CRACD: variants seen among roughly 807,000 people sequenced by gnomAD.
CRACD encodes capping protein-inhibiting regulator of actin dynamics.
In CRACD, 56 loss-of-function variants were observed where a neutral mutation model predicts 106.8. The ratio of observed to expected loss-of-function variants is 0.52; its 90% CI spans 0.42 to 0.66. CRACD has a LOEUF of 0.66. Ranked by LOEUF, CRACD falls within the 30% of genes least tolerant of loss-of-function variation. The pLI is 0.00. For missense variants in CRACD, 1,730 were observed against 1,623.2 expected, an observed-to-expected ratio of 1.07 and a Z score of -1.13; for synonymous variants, 754 against 670.8, an observed-to-expected ratio of 1.12 and a Z score of -1.92.
chr4:56,077,861 T>G (rs1732895988), intron 1 of CRACD, among the ~76,000 whole-genome samples: 1 of 152,208 alleles, frequency 6.6e-6, no homozygotes. Context: ...AACAGACTGC[T>G]GTGAGACCTT....
At chr4:56,216,746 CG>C (rs1738703607) in intron 2 of CRACD, among the ~76,000 whole-genome samples, 1 of 151,072 alleles carries the variant, frequency 6.6e-6, no homozygotes, top group Non-Finnish European at 1.5e-5. Flanking sequence ...TTTGGGAGGC[CG>C]AGGCGGGTGG....
At chr4:56,133,572 T>C (rs1419170145) in intron 1 of CRACD, among the ~76,000 whole-genome samples, 1 of 152,204 alleles carries the variant, frequency 6.6e-6, no homozygotes, top group African/African-American at 2.4e-5. Flanking sequence ...TCAAGCCCCA[T>C]GCTAGTGGAA....
intron 1 of CRACD, among the ~76,000 whole-genome samples, chr4:56,113,053 T>C (rs1312973219): frequency 1.3e-5 from 2 of 152,202 alleles, no homozygotes; most frequent in Non-Finnish European, 2.9e-5. Context: ...CTGGTTGTAA[T>C]GTTAAACCAC....
intron 4 of CRACD, chr4:56,301,155 G>A: frequency 1.9e-6 from 2 of 1,038,890 alleles, no homozygotes; most frequent in Non-Finnish European, 2.6e-6. Context: ...CATAGAAAAT[G>A]TGATTTTTTT....
At chr4:56,117,938 T>A (rs1006894944) in intron 1 of CRACD, among the ~76,000 whole-genome samples, 1 of 152,066 alleles carries the variant, frequency 6.6e-6, no homozygotes, top group Non-Finnish European at 1.5e-5. Context: ...TTTGTATTTT[T>A]AGTAGAGACG....
rs554624909 is a variant in CRACD, at chr4:56,068,615, A to G, written c.-336+19316A>G. Among the ~76,000 whole-genome samples the G allele has an allele frequency of 7.2e-5, 11 of 152,308 alleles. No homozygotes were observed. In the East Asian group the frequency reaches 2.1e-3, roughly 29 times the overall value. On this transcript the variant is annotated intron_variant, in intron 1 of 10. Transcript: ENST00000682029. ...CAGCTTGGATCAGAGCAACAGTGAT[A>G]GAGAAGGGTCAGATTCTGGACACAT...
intron 2 of CRACD, among the ~76,000 whole-genome samples, chr4:56,232,934 G>C (rs115723468): frequency 2.6e-5 from 4 of 151,682 alleles, no homozygotes; most frequent in Non-Finnish European, 4.4e-5. Context: ...TCACCATATC[G>C]AACAGGCTGG....
chr4:56,297,956 T>G, intron 3 of CRACD: 1 of 291,988 alleles, frequency 3.4e-6, no homozygotes, highest in Non-Finnish European at 6.5e-6. Flanking sequence ...CCTTCTGTCT[T>G]GGATCCTATA....
intron 1 of CRACD, among the ~76,000 whole-genome samples, chr4:56,132,906 G>T (rs536858728): frequency 6.6e-6 from 1 of 152,146 alleles, no homozygotes; most frequent in African/African-American, 2.4e-5. Flanking sequence ...ATATCATATA[G>T]TGCTACTTAG....
intron 2 of CRACD, among the ~76,000 whole-genome samples, chr4:56,242,601 C>T (rs1740431251): frequency 1.3e-5 from 2 of 152,124 alleles, no homozygotes; most frequent in South Asian, 2.1e-4. Context: ...CCCAAGAACC[C>T]CTGAAAAGCT....
intron 2 of CRACD, among the ~76,000 whole-genome samples, chr4:56,187,320 C>A (rs555460249): frequency 6.6e-6 from 1 of 152,052 alleles, no homozygotes; most frequent in Non-Finnish European, 1.5e-5. Context: ...AGGTGTCATT[C>A]GAGCTGTCTT....
chr4:56,224,144 C>T (rs180937932), intron 2 of CRACD, among the ~76,000 whole-genome samples: 2,578 of 147,426 alleles, frequency 0.017, 70 homozygotes, highest in African/African-American at 0.058. Context: ...GAGTTTTCTT[C>T]GCTATTTTTT....
chr4:56,300,426 G>A (rs191763276), intron 4 of CRACD, among the ~76,000 whole-genome samples: 2 of 152,308 alleles, frequency 1.3e-5, no homozygotes, highest in Admixed American at 6.5e-5. Context: ...TTCCATTCTT[G>A]GTTCTAGCTG....
At chr4:56,149,041 C>T (rs1285758872) in intron 1 of CRACD, among the ~76,000 whole-genome samples, 1 of 152,184 alleles carries the variant, frequency 6.6e-6, no homozygotes, top group East Asian at 1.9e-4. Context: ...GTCTTGAACT[C>T]CTGACCTCAG....
intron 2 of CRACD, among the ~76,000 whole-genome samples, chr4:56,251,147 C>A (rs965135411): frequency 2.0e-5 from 3 of 152,166 alleles, no homozygotes; most frequent in Non-Finnish European, 2.9e-5. Flanking sequence ...GGAAGGGAAG[C>A]CCTGAAAAAC....
chr4:56,298,200 G>T lies in CRACD; in HGVS notation c.-16-14G>T, dbSNP rs372368941. Reference sequence around the variant, plus strand: ...TTTATCCTAATAAAATGAAGCACATGATTTACCTTCCAGGTCCTTCAACTA... The same window carrying T: ...TTTATCCTAATAAAATGAAGCACATTATTTACCTTCCAGGTCCTTCAACTA... On this transcript the variant is annotated splice_polypyrimidine_tract_variant and intron_variant, in intron 3 of 10. Transcript: ENST00000682029. 28 of 1,607,644 alleles carry T rather than the reference G, an allele frequency of 1.7e-5. No individual in the cohort carries two copies. Among genetic ancestry groups the T allele is most frequent in the Non-Finnish European group, 2.2e-5 (26 of 1,177,472 alleles).
chr4:56,221,787 C>T (rs1315876310), intron 2 of CRACD, among the ~76,000 whole-genome samples: 2 of 152,086 alleles, frequency 1.3e-5, no homozygotes. Context: ...TGAAAAAAGG[C>T]CCACTATTAC....
At chr4:56,235,842 A>G (rs1246009381) in intron 2 of CRACD, among the ~76,000 whole-genome samples, 9 of 152,190 alleles carry the variant, frequency 5.9e-5, no homozygotes, top group Non-Finnish European at 1.3e-4. Context: ...TGCACATACA[A>G]GACAAGGGTT....
chr4:56,212,781 A>G (rs1363277094), intron 2 of CRACD, among the ~76,000 whole-genome samples: 8 of 152,216 alleles, frequency 5.3e-5, no homozygotes, highest in Non-Finnish European at 1.2e-4. Flanking sequence ...CACCCCTGCA[A>G]TATTGCCATT....
Sources: gnomAD v4.1 joint callset for allele counts (sites outside exome capture counted in the v4.1 genomes callset) on GRCh38, gnomAD v4.1.1 for gene constraint, MANE v1.5 for transcripts, NCBI Gene and HGNC (gene_info 2026-07-23, HGNC 2026-07-21) for gene names.